WDFY2: variants seen among roughly 807,000 people sequenced by gnomAD.
The protein encoded by WDFY2 is WD repeat and FYVE domain-containing protein 2.
A neutral mutation model predicts 56.4 loss-of-function variants in WDFY2; 36 were observed. The observed-to-expected ratio is 0.64, with a 90% CI of 0.49 to 0.84. The LOEUF is 0.84. WDFY2 is among the 40% of genes least tolerant of loss of function. The pLI, the probability that WDFY2 is intolerant of heterozygous loss-of-function variation, is 0.00. For synonymous variants in WDFY2, 176 were observed against 183.7 expected (o/e 0.96, Z 0.34); for missense variants, 444 against 512.2 (o/e 0.87, Z 1.29).
intron 1 of WDFY2, among the ~76,000 whole-genome samples, chr13:51,618,535 C>T (rs767779376): frequency 2.2e-4 from 33 of 152,136 alleles, no homozygotes; most frequent in Non-Finnish European, 7.4e-5. Context: ...TCAGTTATAC[C>T]ACCTGGTCCC....
At chr13:51,741,074 GTC>G (rs1952963441) in intron 7 of WDFY2, among the ~76,000 whole-genome samples, 1 of 152,170 alleles carries the variant, frequency 6.6e-6, no homozygotes, top group Non-Finnish European at 1.5e-5. Context: ...GTTTAGATAA[GTC>G]TCTCAGTCCT....
chr13:51,669,007 G>T (rs1474629460), intron 2 of WDFY2, among the ~76,000 whole-genome samples: 1 of 152,162 alleles, frequency 6.6e-6, no homozygotes, highest in Non-Finnish European at 1.5e-5. Flanking sequence ...TTAAGTACAT[G>T]ATTTTTAAAT....
intron 3 of WDFY2, among the ~76,000 whole-genome samples, chr13:51,699,641 C>T (rs574158575): frequency 1.8e-4 from 27 of 152,290 alleles, no homozygotes; most frequent in Middle Eastern, 3.4e-3. Context: ...CCTCTTGTTT[C>T]ACACATCAGT....
At chr13:51,703,713 T>C in intron 4 of WDFY2, 63 bp downstream of exon 4, 3 of 1,359,292 alleles carry the variant, frequency 2.2e-6, no homozygotes, top group Non-Finnish European at 3.1e-6. Flanking sequence ...TGGTTTTCAC[T>C]GCCACAAGAG....
chr13:51,655,877 A>G (rs1955499415), intron 1 of WDFY2, among the ~76,000 whole-genome samples: 1 of 152,000 alleles, frequency 6.6e-6, no homozygotes, highest in African/African-American at 2.4e-5. Flanking sequence ...TTCTTGAGTC[A>G]GTATTGGTAG....
Position 51,703,449 on chromosome 13 carries a change from G to A in WDFY2, c.280-147G>A, listed in dbSNP as rs1024802617. ...ATAATTTTGATTGTTACTTTTAAAAGGGTACAAAAATTCTGAGTTGATGGG... is the reference window on the plus strand; with the variant it reads ...ATAATTTTGATTGTTACTTTTAAAAAGGTACAAAAATTCTGAGTTGATGGG... On this transcript the variant is annotated intron_variant, in intron 3 of 11. Transcript: ENST00000298125. 70 of 587,996 alleles carry A rather than the reference G, an allele frequency of 1.2e-4. 1 individual carries two copies. The highest frequency in any genetic ancestry group is 3.0e-5 in the Non-Finnish European group (10 of 330,460). The allele number at this position is 587,996 out of a possible 1,614,324, so 36.4% of individuals were successfully genotyped here.
intron 1 of WDFY2, among the ~76,000 whole-genome samples, chr13:51,596,681 T>C (rs995870502): frequency 6.6e-6 from 1 of 152,202 alleles, no homozygotes; most frequent in Non-Finnish European, 1.5e-5. Context: ...ATTGTTCATA[T>C]AAGACCAGAA....
intron 7 of WDFY2, among the ~76,000 whole-genome samples, chr13:51,746,306 ACT>A (rs1953103234): frequency 6.6e-6 from 1 of 151,772 alleles, no homozygotes; most frequent in East Asian, 1.9e-4. Context: ...AGCCCAAGAA[ACT>A]CTACTATATT....
intron 1 of WDFY2, among the ~76,000 whole-genome samples, chr13:51,638,281 AC>A (rs1226424678): frequency 6.6e-6 from 1 of 152,114 alleles, no homozygotes; most frequent in Non-Finnish European, 1.5e-5. Flanking sequence ...GAGTAAGGAG[AC>A]CAGCTAGTAT....
chr13:51,695,877 C>T (rs981796411), intron 3 of WDFY2, among the ~76,000 whole-genome samples: 4 of 152,366 alleles, frequency 2.6e-5, no homozygotes, highest in African/African-American at 7.2e-5. Context: ...CAAGCCTGGA[C>T]AATGGTGGGT....
chr13:51,603,984 T>G (rs1410365549), intron 1 of WDFY2, among the ~76,000 whole-genome samples: 6 of 152,206 alleles, frequency 3.9e-5, no homozygotes, highest in Admixed American at 2.0e-4. Flanking sequence ...GGGCAGCAGC[T>G]TCTTGGCATT....
At chr13:51,718,795 A>G (rs1952423305) in intron 4 of WDFY2, among the ~76,000 whole-genome samples, 1 of 152,148 alleles carries the variant, frequency 6.6e-6, no homozygotes, top group Admixed American at 6.6e-5. Flanking sequence ...GACGGTAGTG[A>G]TATTATATGA....
rs570675059 is a variant in WDFY2 at position 51,760,118 on chromosome 13, A to T, written c.*349A>T. 7.5e-5 allele frequency: 16 copies of T among 213,116 alleles called. No individual in the cohort carries two copies. The highest frequency in any genetic ancestry group is 2.3e-4 in the African/African-American group (10 of 44,022). 13.2% of individuals were successfully genotyped at this position (213,116 alleles called of 1,614,324 possible). A position where few individuals can be genotyped will look rare whatever the true frequency, so the allele number is the denominator to read the frequency against. ...TACTTGTTGCTTTGTCAGAGAAATA[A>T]GGGAGGTATCTACTCAGAGTATTTT... is the stretch of plus-strand genomic sequence containing the variant. On this transcript the variant is annotated 3_prime_UTR_variant, in exon 12 of 12. Transcript: ENST00000298125.
At chr13:51,638,937 A>C (rs1017734566) in intron 1 of WDFY2, among the ~76,000 whole-genome samples, 1 of 152,198 alleles carries the variant, frequency 6.6e-6, no homozygotes, top group Non-Finnish European at 1.5e-5. Context: ...AATTTTAGAA[A>C]ATAATTTAGT....
intron 8 of WDFY2, among the ~76,000 whole-genome samples, chr13:51,751,756 T>C (rs1388024504): frequency 6.6e-6 from 1 of 152,226 alleles, no homozygotes; most frequent in African/African-American, 2.4e-5. Context: ...ACTCACGTGA[T>C]TTATGTCATG....
chr13:51,690,570 C>T (rs1049056566), intron 3 of WDFY2, among the ~76,000 whole-genome samples: 3 of 151,906 alleles, frequency 2.0e-5, no homozygotes, highest in African/African-American at 7.3e-5. Flanking sequence ...GTATATGTGC[C>T]ACATTTTCTT....
At chr13:51,685,209 G>GA (rs1956040881) in intron 3 of WDFY2, among the ~76,000 whole-genome samples, 1 of 152,186 alleles carries the variant, frequency 6.6e-6, no homozygotes, top group Non-Finnish European at 1.5e-5. Context: ...AGAGTTGAAA[G>GA]ACTCTTTGTA....
rs117566356 is a variant in WDFY2 at position 51,674,476 on chromosome 13, G to A, written c.206-694G>A. On this transcript the variant is annotated intron_variant, in intron 2 of 11. Transcript: ENST00000298125. Reference sequence around the variant, plus strand: ...GCTTAGGCTCGGGTGTACTCAGGCCGTCAGTCCTGCGGAACAGGGAGAACC... The same window carrying A: ...GCTTAGGCTCGGGTGTACTCAGGCCATCAGTCCTGCGGAACAGGGAGAACC... 4.7e-3 allele frequency among the ~76,000 whole-genome samples: 713 copies of A among 152,230 alleles called. 6 individuals are homozygous for A. Among genetic ancestry groups the A allele is most frequent in the Middle Eastern group, 0.031 (9 of 294 alleles).
chr13:51,625,371 T>C (rs1043906060), intron 1 of WDFY2, among the ~76,000 whole-genome samples: 2 of 152,234 alleles, frequency 1.3e-5, no homozygotes, highest in Admixed American at 1.3e-4. Context: ...TGTGTGTAAA[T>C]GTTTGCACTG....
Sources: gnomAD v4.1 joint callset for allele counts (sites outside exome capture counted in the v4.1 genomes callset) on GRCh38, gnomAD v4.1.1 for gene constraint, MANE v1.5 for transcripts, NCBI Gene and HGNC (gene_info 2026-07-23, HGNC 2026-07-21) for gene names.